COL6A5: variants seen among roughly 807,000 people sequenced by gnomAD.
The protein encoded by COL6A5 is collagen type VI alpha 5 chain, also known as collagen alpha-5(VI) chain.
COL6A5 carries 48 observed loss-of-function variants against 65.6 expected under a neutral mutation model. That is an observed-to-expected ratio of 0.73 (90% CI 0.58 to 0.93). The LOEUF is 0.93. Among genes scored for constraint, COL6A5 ranks in the 40% least tolerant of loss-of-function variants. COL6A5 has a pLI of 0.00. For missense variants in COL6A5, 914 were observed against 928.3 expected (o/e 0.98, Z 0.20); for synonymous variants, 291 against 322.8 (o/e 0.90, Z 1.05).
intron 4 of COL6A5, among the ~76,000 whole-genome samples, chr3:130,382,010 C>T (rs1180850499): frequency 6.6e-6 from 1 of 151,650 alleles, no homozygotes; most frequent in Non-Finnish European, 1.5e-5. Context: ...TCCTCAGAAG[C>T]AGATGCCTGG....
At chr3:130,470,232 G>A (rs1308794778) in intron 6 of COL6A5, among the ~76,000 whole-genome samples, 1 of 151,986 alleles carries the variant, frequency 6.6e-6, no homozygotes, top group East Asian at 1.9e-4. Context: ...GCATATAGCA[G>A]CACATCCAAA....
intron 6 of COL6A5, among the ~76,000 whole-genome samples, 182 bp from the exon 39 acceptor site, chr3:130,470,689 G>GATTTGTGATAGAGCATTGGAAT (rs1709928662): frequency 6.6e-6 from 1 of 152,048 alleles, no homozygotes. Flanking sequence ...ATGACTGGCT[G>GATTTGTGATAGAGCATTGGAAT]TATCTTCTTG....
chr3:130,484,034 G>A lies in COL6A5; in HGVS notation c.2329-1G>A. On this transcript the variant is annotated splice_acceptor_variant, in intron 7 of 7. Coordinates refer to ENST00000512836, the Ensembl canonical transcript of COL6A5. LOFTEE classifies it high-confidence loss of function. Reference sequence around the variant, plus strand: ...GCAGTGAATATTGTTATATTTTGCAGATGGTGAAGATACAAGGTCATCATA... The same window carrying A: ...GCAGTGAATATTGTTATATTTTGCAAATGGTGAAGATACAAGGTCATCATA... The A allele has an allele frequency of 6.2e-7, 1 of 1,608,460 alleles. No individual in the cohort carries two copies. Among genetic ancestry groups the A allele is most frequent in the Non-Finnish European group, 8.5e-7 (1 of 1,177,422 alleles).
intron 4 of COL6A5, among the ~76,000 whole-genome samples, chr3:130,448,646 AG>A (rs1217405075): frequency 6.6e-6 from 1 of 152,114 alleles, no homozygotes; most frequent in Non-Finnish European, 1.5e-5. Flanking sequence ...ATTCTTTATC[AG>A]TGGGGGCAGC....
intron 1 of COL6A5, among the ~76,000 whole-genome samples, chr3:130,350,519 G>C (rs1456240829): frequency 1.3e-5 from 2 of 152,112 alleles, no homozygotes; most frequent in Non-Finnish European, 2.9e-5. Flanking sequence ...GCCAATAACA[G>C]ACAAACAGAG....
intron 1 of COL6A5, among the ~76,000 whole-genome samples, chr3:130,356,847 T>C (rs745650044): frequency 6.6e-6 from 1 of 152,212 alleles, no homozygotes. Context: ...AAGCTGATGC[T>C]GTACTCAGGA....
chr3:130,360,382 C>A (rs1352214702), intron 1 of COL6A5, among the ~76,000 whole-genome samples: 1 of 151,988 alleles, frequency 6.6e-6, no homozygotes, highest in Non-Finnish European at 1.5e-5. Flanking sequence ...TCTTCAAATT[C>A]ATATTATGAG....
chr3:130,421,773 C>T (rs1256286112), intron 27 of COL6A5, among the ~76,000 whole-genome samples: 2 of 152,064 alleles, frequency 1.3e-5, no homozygotes, highest in East Asian at 3.9e-4. Flanking sequence ...TTCCCTGATT[C>T]AGTTAATTCC....
rs199721602 is a variant in COL6A5 at position 130,472,058 on chromosome 3, C to T, written c.2328+1091C>T. 21 of 906,120 alleles carry T rather than the reference C, an allele frequency of 2.3e-5. No individual in the cohort carries two copies. In the East Asian group the frequency reaches 3.4e-4, roughly 15 times the overall value. The allele number at this position is 906,120 out of a possible 1,614,324, so 56.1% of individuals were successfully genotyped here. A position where few individuals can be genotyped will look rare whatever the true frequency, so the allele number is the denominator to read the frequency against. ...GGATGAGGATAAAAGAGGGGCTTAT[C>T]GTCTAAGGATCCAAGGGAGATAAAA... On this transcript the variant is annotated intron_variant, in intron 7 of 7. Coordinates refer to ENST00000512836, the Ensembl canonical transcript of COL6A5.
intron 1 of COL6A5, among the ~76,000 whole-genome samples, chr3:130,432,543 C>CT (rs1937865606): frequency 2.0e-5 from 2 of 100,130 alleles, no homozygotes; most frequent in Admixed American, 1.9e-4. Context: ...GAGAAAGACT[C>CT]TGTCAAAAAA....
intron 1 of COL6A5, among the ~76,000 whole-genome samples, chr3:130,434,721 C>T (rs1937968558): frequency 6.6e-6 from 1 of 152,088 alleles, no homozygotes; most frequent in African/African-American, 2.4e-5. Flanking sequence ...GTTTCTTAGC[C>T]ACATAAATGT....
intron 4 of COL6A5, among the ~76,000 whole-genome samples, chr3:130,445,613 A>G (rs990691735): frequency 1.3e-5 from 2 of 152,100 alleles, no homozygotes; most frequent in African/African-American, 4.8e-5. Flanking sequence ...GCAATTGCCA[A>G]TTTCCGAAGT....
intron 4 of COL6A5, among the ~76,000 whole-genome samples, chr3:130,452,145 C>A (rs558267375): frequency 6.6e-6 from 1 of 152,222 alleles, no homozygotes; most frequent in East Asian, 1.9e-4. Flanking sequence ...CTCTGCATGA[C>A]CCATAGTTAA....
Position 130,405,673 on chromosome 3 carries a change from G to C in COL6A5, c.4353+14G>C. ...TGGGGTCAGAAGGTAAGGCTCTTCTGTAAATGTTATTTCCAATTCTCTGTA... is the reference window on the plus strand; with the variant it reads ...TGGGGTCAGAAGGTAAGGCTCTTCTCTAAATGTTATTTCCAATTCTCTGTA... On this transcript the variant is annotated intron_variant and NMD_transcript_variant, in intron 14 of 41. Coordinates refer to the COL6A5 transcript ENST00000312481. 1 of 1,534,838 alleles carries C rather than the reference G, an allele frequency of 6.5e-7. No individual in the cohort carries two copies. The highest frequency in any genetic ancestry group is 8.8e-7 in the Non-Finnish European group (1 of 1,132,252).
intron 1 of COL6A5, among the ~76,000 whole-genome samples, chr3:130,369,722 C>T (rs2107630945): frequency 6.6e-6 from 1 of 152,278 alleles, no homozygotes; most frequent in South Asian, 2.1e-4. Flanking sequence ...TATTTTGTCT[C>T]CTGGCAGTGG....
chr3:130,433,368 A>G (rs1400636949), intron 1 of COL6A5, among the ~76,000 whole-genome samples: 1 of 152,160 alleles, frequency 6.6e-6, no homozygotes, highest in African/African-American at 2.4e-5. Flanking sequence ...AGAATCCCCA[A>G]TGAGAAAGAG....
At chr3:130,425,067 C>T (rs553304775) in intron 29 of COL6A5, among the ~76,000 whole-genome samples, 1 of 152,118 alleles carries the variant, frequency 6.6e-6, no homozygotes, top group Non-Finnish European at 1.5e-5. Context: ...TAGCCAGAAA[C>T]TGTTTATCTC....
At position 130,390,659 on chromosome 3, in the gene COL6A5, C is replaced by G. The variant is rs188886244; in HGVS notation, c.2417-520C>G. Among the ~76,000 whole-genome samples the G allele has an allele frequency of 2.0e-5, 3 of 152,266 alleles. No homozygotes were observed. The East Asian group carries it at 5.8e-4, about 29-fold the overall frequency. ...AGGTTAGGGGAAAAAGCATAAATAA[C>G]TGCAGAGAGACATGATAAACAGGGA... On this transcript the variant is annotated intron_variant and NMD_transcript_variant, in intron 6 of 41. Transcript: ENST00000312481.
exon 7 of COL6A5, chr3:130,391,488 G>T: frequency 1.9e-6 from 3 of 1,551,724 alleles, no homozygotes; most frequent in Non-Finnish European, 2.6e-6. Flanking sequence ...GAGGAACATG[G>T]CAGCCGCATC....
Sources: allele counts gnomAD v4.1 joint callset (sites outside exome capture counted in the v4.1 genomes callset), GRCh38; gene constraint gnomAD v4.1.1; transcripts MANE v1.5; gene names NCBI Gene and HGNC (gene_info 2026-07-23, HGNC 2026-07-21).